Variants in SREBF2 observed in about 807,000 individuals in gnomAD.
SREBF2 encodes sterol regulatory element-binding protein 2.
A neutral mutation model predicts 113.1 loss-of-function variants in SREBF2; 55 were observed. The observed-to-expected ratio is 0.49, with a 90% confidence interval of 0.39 to 0.61. The LOEUF is 0.61. Ranked by LOEUF, SREBF2 falls within the 20% of genes least tolerant of loss-of-function variation. The pLI is 0.00. For missense variants in SREBF2, 1,349 were observed against 1,487.4 expected (o/e 0.91, Z 1.53); for synonymous variants, 593 against 605.7 (o/e 0.98, Z 0.31).
intron 1 of SREBF2, among the ~76,000 whole-genome samples, chr22:41,859,920 C>T (rs999828079): frequency 2.0e-5 from 3 of 149,542 alleles, no homozygotes; most frequent in Non-Finnish European, 4.4e-5. Flanking sequence ...ATTCTCCTGC[C>T]TCAACCGCCC....
intron 15 of SREBF2, chr22:41,899,891 C>T (rs1352727847): frequency 9.3e-7 from 1 of 1,078,282 alleles, no homozygotes; most frequent in Non-Finnish European, 1.1e-6. Context: ...TCCCTAGCCT[C>T]CCCTTCCACT....
chr22:41,879,756 T>C (rs143270195), intron 9 of SREBF2, among the ~76,000 whole-genome samples: 5 of 152,282 alleles, frequency 3.3e-5, no homozygotes, highest in African/African-American at 1.2e-4. Flanking sequence ...TTCCCAAGAC[T>C]ATATAGCCTG....
chr22:41,876,250 C>A (rs1210605437), intron 7 of SREBF2, among the ~76,000 whole-genome samples: 1 of 152,232 alleles, frequency 6.6e-6, no homozygotes, highest in Non-Finnish European at 1.5e-5. Flanking sequence ...TAATGATCTT[C>A]CTGGGAACCT....
chr22:41,849,895 T>C (rs1164934120), intron 1 of SREBF2, among the ~76,000 whole-genome samples: 1 of 151,696 alleles, frequency 6.6e-6, no homozygotes, highest in Admixed American at 6.6e-5. Context: ...TCCCAGCACT[T>C]TGGGAGGCGG....
intron 1 of SREBF2, among the ~76,000 whole-genome samples, chr22:41,835,001 A>G (rs1036123562): frequency 1.3e-5 from 2 of 152,040 alleles, no homozygotes; most frequent in Non-Finnish European, 2.9e-5. Flanking sequence ...GTGGTTCATT[A>G]ATTTACTGAA....
chr22:41,905,696 G>A lies in SREBF2; in HGVS notation c.*36G>A, dbSNP rs775329815. The A allele has an allele frequency of 1.2e-5, 18 of 1,535,802 alleles. No individual in the cohort carries two copies. In the African/African-American group the frequency reaches 2.1e-4, roughly 18 times the overall value. On this transcript the variant is annotated 3_prime_UTR_variant, in exon 19 of 19. Coordinates refer to ENST00000361204, the MANE Select transcript of SREBF2 (RefSeq NM_004599.4). ...CAGCCCACCCCTCCACCTCTCTCTC[G>A]ATTTCTCTCTCTCCCCCTCAGCATC...
intron 1 of SREBF2, among the ~76,000 whole-genome samples, chr22:41,864,247 TATATATATATATATAC>T (rs1447601613): frequency 1.5e-4 from 14 of 95,646 alleles, no homozygotes; most frequent in South Asian, 3.6e-4. Flanking sequence ...TATATATATA[TATATATATATATATAC>T]ACACACACAC....
chr22:41,865,711 C>CTAG (rs1213701259), intron 1 of SREBF2, among the ~76,000 whole-genome samples: 2 of 152,248 alleles, frequency 1.3e-5, no homozygotes, highest in East Asian at 3.9e-4. Context: ...CAGACAAGGG[C>CTAG]TAGCATGGGC....
At chr22:41,857,751 C>T (rs1490559361) in intron 1 of SREBF2, among the ~76,000 whole-genome samples, 1 of 152,178 alleles carries the variant, frequency 6.6e-6, no homozygotes, top group Admixed American at 6.5e-5. Flanking sequence ...CCTTGAAGGA[C>T]ATGATACCGT....
rs966951869 is a variant in SREBF2, at chr22:41,863,680, G to A, written c.89-3151G>A. ...CCTCGCACAAGGCTGAGTGAGGACA[G>A]AGCTTAGTGTCAAGATGTTGGTAAA... is the stretch of plus-strand genomic sequence containing the variant. On this transcript the variant is annotated intron_variant, in intron 1 of 18. Coordinates refer to ENST00000361204, the MANE Select transcript of SREBF2 (RefSeq NM_004599.4). Among the ~76,000 whole-genome samples, 12 of 152,256 alleles carry A rather than the reference G, an allele frequency of 7.9e-5. No homozygotes were observed. The East Asian group carries it at 2.3e-3, about 29-fold the overall frequency.
intron 17 of SREBF2, among the ~76,000 whole-genome samples, chr22:41,903,393 C>T (rs951451035): frequency 2.0e-5 from 3 of 152,204 alleles, no homozygotes; most frequent in South Asian, 2.1e-4. Context: ...CAGCAGGGAG[C>T]AGGCCACACT....
intron 5 of SREBF2, 104 bp from the exon 6 acceptor site, chr22:41,875,233 T>G (rs112551421): frequency 1.3e-5 from 12 of 939,140 alleles, no homozygotes; most frequent in African/African-American, 6.5e-5. Context: ...ACTTGGTTTC[T>G]CCTCTCACAG....
At chr22:41,905,228 C>T (rs1220782346) in intron 18 of SREBF2, among the ~76,000 whole-genome samples, 1 of 152,212 alleles carries the variant, frequency 6.6e-6, no homozygotes, top group African/African-American at 2.4e-5. Context: ...AGCAGAAGCT[C>T]GAGCCAGGTC....
intron 9 of SREBF2, among the ~76,000 whole-genome samples, chr22:41,879,333 G>T (rs1328054475): frequency 6.6e-6 from 1 of 152,262 alleles, no homozygotes; most frequent in African/African-American, 2.4e-5. Context: ...ACTCCATCTA[G>T]GCCATGTTGC....
chr22:41,844,256 C>T (rs929244610), intron 1 of SREBF2, among the ~76,000 whole-genome samples: 3 of 152,088 alleles, frequency 2.0e-5, no homozygotes, highest in Non-Finnish European at 2.9e-5. Flanking sequence ...AGGAAGAGGA[C>T]AGGACCTAAC....
chr22:41,837,372 A>G (rs2076785710), intron 1 of SREBF2, among the ~76,000 whole-genome samples: 1 of 151,676 alleles, frequency 6.6e-6, no homozygotes, highest in Non-Finnish European at 1.5e-5. Flanking sequence ...AGCCTAGCCA[A>G]TATGGTGAAA....
chr22:41,902,251 C>T (rs1244895949), intron 16 of SREBF2, among the ~76,000 whole-genome samples: 1 of 152,178 alleles, frequency 6.6e-6, no homozygotes, highest in East Asian at 1.9e-4. Context: ...TGTGCCACTG[C>T]GAGCCGGGTG....
At chr22:41,835,340 C>T (rs1339042926) in intron 1 of SREBF2, among the ~76,000 whole-genome samples, 2 of 133,700 alleles carry the variant, frequency 1.5e-5, no homozygotes, top group African/African-American at 5.6e-5. Context: ...GATGGAGTTT[C>T]GCTATTGTTG....
chr22:41,866,187 C>A (rs2077072788), intron 1 of SREBF2, among the ~76,000 whole-genome samples: 1 of 152,162 alleles, frequency 6.6e-6, no homozygotes. Context: ...AAAAAAGGAC[C>A]CTTGGTACCT....
Sources: gnomAD v4.1 joint callset for allele counts (sites outside exome capture counted in the v4.1 genomes callset) on GRCh38, gnomAD v4.1.1 for gene constraint, MANE v1.5 for transcripts, NCBI Gene and HGNC (gene_info 2026-07-23, HGNC 2026-07-21) for gene names.